Variants in PPFIA2 observed in about 807,000 individuals in gnomAD.
The protein encoded by PPFIA2 is liprin-alpha-2.
In PPFIA2, 46 loss-of-function variants were observed where a neutral mutation model predicts 175.5. That is an observed-to-expected ratio of 0.26 (90% confidence interval 0.21 to 0.34). The LOEUF (loss-of-function observed/expected upper bound fraction) is 0.34, where lower values mean the gene tolerates loss of function less well. PPFIA2 is among the 10% of genes least tolerant of loss of function. The pLI, the probability that PPFIA2 is intolerant of heterozygous loss-of-function variation, is 1.00. For synonymous variants in PPFIA2, 568 were observed against 511.4 expected (o/e 1.11, Z -1.49); for missense variants, 1,179 against 1,506.1 (o/e 0.78, Z 3.60).
At chr12:81,445,147 A>G (rs1353125445) in intron 6 of PPFIA2, among the ~76,000 whole-genome samples, 1 of 146,648 alleles carries the variant, frequency 6.8e-6, no homozygotes, top group African/African-American at 2.5e-5. Flanking sequence ...GCATATCAAA[A>G]TATACATAAT....
chr12:81,698,313 C>T (rs187588673), intron 3 of PPFIA2, among the ~76,000 whole-genome samples: 1 of 152,154 alleles, frequency 6.6e-6, no homozygotes, highest in East Asian at 1.9e-4. Flanking sequence ...TGAATTAGTG[C>T]TGTTATTGCA....
At chr12:81,370,925 C>T (rs550306822) in intron 11 of PPFIA2, among the ~76,000 whole-genome samples, 83 of 151,826 alleles carry the variant, frequency 5.5e-4, no homozygotes, top group African/African-American at 2.0e-3. Flanking sequence ...TCACTTTATG[C>T]CAATATAGAA....
chr12:81,421,095 TAA>T (rs1471730174), intron 7 of PPFIA2, among the ~76,000 whole-genome samples: 1 of 152,100 alleles, frequency 6.6e-6, no homozygotes, highest in East Asian at 1.9e-4. Context: ...GAAGAAGGGA[TAA>T]AGTCTTTCCA....
chr12:81,734,716 T>G (rs921334498), intron 3 of PPFIA2, among the ~76,000 whole-genome samples: 3 of 151,810 alleles, frequency 2.0e-5, no homozygotes, highest in African/African-American at 4.8e-5. Flanking sequence ...AAAATTCCTT[T>G]GTGTTTAGTG....
intron 3 of PPFIA2, among the ~76,000 whole-genome samples, chr12:81,713,659 G>A (rs2078229476): frequency 6.6e-6 from 1 of 151,094 alleles, no homozygotes; most frequent in African/African-American, 2.4e-5. Flanking sequence ...GTCCCAGTGT[G>A]CTAGTGGTGT....
chr12:81,285,129 C>T (rs562645377), intron 24 of PPFIA2, among the ~76,000 whole-genome samples: 1 of 152,200 alleles, frequency 6.6e-6, no homozygotes, highest in Non-Finnish European at 1.5e-5. Flanking sequence ...TAGTTCTATA[C>T]ACTTAATAAC....
At chr12:81,324,231 G>A (rs1407584849) in intron 22 of PPFIA2, among the ~76,000 whole-genome samples, 1 of 151,932 alleles carries the variant, frequency 6.6e-6, no homozygotes, top group East Asian at 1.9e-4. Context: ...CAACCCAATA[G>A]TGTATAAGGT....
intron 4 of PPFIA2, among the ~76,000 whole-genome samples, chr12:81,522,869 C>T (rs983959567): frequency 6.6e-6 from 1 of 152,142 alleles, no homozygotes; most frequent in Non-Finnish European, 1.5e-5. Context: ...GTAGTGGTAG[C>T]TTCTGTAACA....
chr12:81,259,782 A>G (rs117730329), intron 32 of PPFIA2, 122 bp from the exon 33 acceptor site: 14,899 of 767,740 alleles, frequency 0.019, 194 homozygotes, highest in Non-Finnish European at 0.025. Context: ...GATCATGAGA[A>G]GGAAATCATC....
intron 4 of PPFIA2, among the ~76,000 whole-genome samples, chr12:81,584,970 A>G (rs12818748): frequency 0.045 from 3,196 of 70,362 alleles, 19 homozygotes; most frequent in African/African-American, 0.082. Flanking sequence ...TATATAATAT[A>G]TTATATATTA....
chr12:81,368,897 T>A (rs184697747), intron 12 of PPFIA2, 41 bp from the exon 13 acceptor site: 24 of 1,576,808 alleles, frequency 1.5e-5, no homozygotes, highest in Non-Finnish European at 2.0e-5. Flanking sequence ...ATTCAAAAAC[T>A]GTTTGAGATT....
chr12:81,287,616 T>G (rs1013127414), intron 24 of PPFIA2, among the ~76,000 whole-genome samples: 6 of 151,958 alleles, frequency 3.9e-5, no homozygotes, highest in African/African-American at 1.4e-4. Flanking sequence ...AGACATTAAC[T>G]GAAGTTTTAA....
chr12:81,368,291 T>G (rs2034116704), intron 13 of PPFIA2: 1 of 560,396 alleles, frequency 1.8e-6, no homozygotes, highest in African/African-American at 2.0e-5. Flanking sequence ...CTAGTTCTTT[T>G]GATGATATAA....
chr12:81,369,395 G>A (rs1232460875), intron 11 of PPFIA2: 1 of 1,419,718 alleles, frequency 7.0e-7, no homozygotes, highest in Non-Finnish European at 9.2e-7. Context: ...CCAAGCATCA[G>A]CAAAACATTG....
chr12:81,471,347 A>G (rs2056692433), intron 4 of PPFIA2: 1 of 151,566 alleles, frequency 6.6e-6, no homozygotes, highest in African/African-American at 2.4e-5. Context: ...TTATTTTGGT[A>G]AAAAAGAGAT....
intron 3 of PPFIA2, among the ~76,000 whole-genome samples, chr12:81,732,449 C>A (rs2081031747): frequency 1.4e-5 from 2 of 146,660 alleles, no homozygotes; most frequent in African/African-American, 2.5e-5. Context: ...TATGTTGGAC[C>A]AGAAGATGGA....
chr12:81,364,077 TA>T (rs1224746228), intron 14 of PPFIA2, among the ~76,000 whole-genome samples: 1 of 151,738 alleles, frequency 6.6e-6, no homozygotes, highest in Non-Finnish European at 1.5e-5. Flanking sequence ...GGTTTTTCAA[TA>T]AAGTGATACT....
At chr12:81,449,499 A>C (rs888882824) in intron 5 of PPFIA2, among the ~76,000 whole-genome samples, 10 of 151,866 alleles carry the variant, frequency 6.6e-5, no homozygotes, top group African/African-American at 1.9e-4. Context: ...AAAAAAAAAA[A>C]AACAAAAAAA....
intron 23 of PPFIA2, among the ~76,000 whole-genome samples, chr12:81,297,433 T>C (rs2046756005): frequency 6.6e-6 from 1 of 152,112 alleles, no homozygotes; most frequent in Non-Finnish European, 1.5e-5. Flanking sequence ...ACGAAACTCT[T>C]TGAGTCAGTG....
Sources: allele counts gnomAD v4.1 joint callset (sites outside exome capture counted in the v4.1 genomes callset), GRCh38; gene constraint gnomAD v4.1.1; transcripts MANE v1.5; gene names NCBI Gene and HGNC (gene_info 2026-07-23, HGNC 2026-07-21).